SGCD: variants seen among roughly 807,000 people sequenced by gnomAD.
SGCD encodes delta-sarcoglycan.
A neutral mutation model predicts 36.6 loss-of-function variants in SGCD; 18 were observed. That is an observed-to-expected ratio of 0.49 (90% confidence interval 0.34 to 0.73). The LOEUF (loss-of-function observed/expected upper bound fraction) is 0.73, where lower values mean the gene tolerates loss of function less well. Among genes scored for constraint, SGCD ranks in the 30% least tolerant of loss-of-function variants. The pLI, the probability that SGCD is intolerant of heterozygous loss-of-function variation, is 0.01. For missense variants in SGCD, 387 were observed against 346.7 expected (o/e 1.12, Z -0.92); for synonymous variants, 133 against 130.6 (o/e 1.02, Z -0.12).
chr5:156,263,232 A>G (rs1301728674), intron 3 of SGCD, among the ~76,000 whole-genome samples: 2 of 152,096 alleles, frequency 1.3e-5, no homozygotes, highest in Non-Finnish European at 2.9e-5. Flanking sequence ...TCAGCAGTGT[A>G]AAAGTGTTCC....
chr5:156,500,898 C>T (rs2127862458), intron 3 of SGCD, among the ~76,000 whole-genome samples: 1 of 152,182 alleles, frequency 6.6e-6, no homozygotes, highest in East Asian at 1.9e-4. Context: ...ACAGGAAGTC[C>T]ACGTCACTCA....
At chr5:156,648,100 G>A (rs953484741) in intron 7 of SGCD, among the ~76,000 whole-genome samples, 1 of 152,080 alleles carries the variant, frequency 6.6e-6, no homozygotes, top group African/African-American at 2.4e-5. Context: ...CAGACAGATG[G>A]ATAAACAGAC....
In SGCD at chr5:156,219,181, T is replaced by C. The variant is rs75749059; in HGVS notation, c.-44+95162T>C. 8.3e-3 allele frequency among the ~76,000 whole-genome samples: 1,270 copies of C among 152,330 alleles called. 22 individuals are homozygous for C. Among genetic ancestry groups the C allele is most frequent in the African/African-American group, 0.029 (1,209 of 41,580 alleles). On this transcript the variant is annotated intron_variant, in intron 3 of 9. Coordinates refer to the SGCD transcript ENST00000517913. ...TTACTTTGCAACCTTGCGAAACTCA[T>C]TGGACCCCTTATCTACTTTAGTTTA...
chr5:156,243,900 A>G (rs552424124), intron 3 of SGCD, among the ~76,000 whole-genome samples: 2 of 152,234 alleles, frequency 1.3e-5, no homozygotes, highest in Non-Finnish European at 2.9e-5. Flanking sequence ...ATGAAAAATG[A>G]GTTCATAGTG....
chr5:156,436,472 A>G (rs1181667302), intron 3 of SGCD, among the ~76,000 whole-genome samples: 4 of 152,192 alleles, frequency 2.6e-5, no homozygotes, highest in African/African-American at 4.8e-5. Flanking sequence ...CTAGTGTAGG[A>G]TTCTGTTCCT....
intron 3 of SGCD, among the ~76,000 whole-genome samples, chr5:156,187,928 G>A (rs931002448): frequency 1.3e-5 from 2 of 152,178 alleles, no homozygotes; most frequent in Non-Finnish European, 2.9e-5. Flanking sequence ...GATCCAGGAG[G>A]TACAAGGTAT....
chr5:155,758,619 T>C, the SGCD span, among the ~76,000 whole-genome samples: 102,321 of 151,942 alleles, frequency 0.67, 35,637 homozygotes, highest in South Asian at 0.81. Context: ...TGGCATTTGA[T>C]TCTCACAGGA....
At chr5:156,600,212 C>T (rs1366241484) in intron 6 of SGCD, among the ~76,000 whole-genome samples, 1 of 152,180 alleles carries the variant, frequency 6.6e-6, no homozygotes, top group Non-Finnish European at 1.5e-5. Flanking sequence ...CAGTAACTTA[C>T]TGTTAACTGT....
the SGCD span, among the ~76,000 whole-genome samples, chr5:155,855,554 A>G: frequency 6.6e-6 from 1 of 152,188 alleles, no homozygotes; most frequent in South Asian, 2.1e-4. Flanking sequence ...AACTTGCTTG[A>G]TATATCATTG....
intron 8 of SGCD, chr5:156,758,106 T>A: frequency 1.5e-6 from 1 of 679,208 alleles, no homozygotes; most frequent in Non-Finnish European, 1.8e-6. Flanking sequence ...CTGTTTTCAC[T>A]GAAAATGGGG....
At chr5:155,934,431 T>A (rs924557172) in intron 1 of SGCD, among the ~76,000 whole-genome samples, 23 of 152,184 alleles carry the variant, frequency 1.5e-4, no homozygotes, top group Non-Finnish European at 2.2e-4. Context: ...AAATCAATAC[T>A]CAAGCACATT....
chr5:156,572,452 G>A (rs769603655), intron 4 of SGCD, among the ~76,000 whole-genome samples: 11 of 152,100 alleles, frequency 7.2e-5, no homozygotes, highest in Non-Finnish European at 1.2e-4. Context: ...TCTAGTGGGT[G>A]TGAAGAATTA....
chr5:156,622,391 C>CCACTG (rs1450026881), intron 6 of SGCD, among the ~76,000 whole-genome samples: 1 of 150,376 alleles, frequency 6.6e-6, no homozygotes, highest in Non-Finnish European at 1.5e-5. Context: ...CGAGATGGCA[C>CCACTG]CACTGCACTC....
chr5:156,699,490 A>G (rs1409864764), intron 7 of SGCD, among the ~76,000 whole-genome samples: 1 of 148,888 alleles, frequency 6.7e-6, no homozygotes, highest in African/African-American at 2.5e-5. Flanking sequence ...TTTTTTTTCT[A>G]TTTCTAAAGC....
intron 3 of SGCD, among the ~76,000 whole-genome samples, chr5:156,143,344 G>A (rs961266198): frequency 6.6e-6 from 1 of 152,224 alleles, no homozygotes; most frequent in Non-Finnish European, 1.5e-5. Flanking sequence ...CCCTCACAGA[G>A]AACCTCTACT....
intron 7 of SGCD, among the ~76,000 whole-genome samples, chr5:156,685,240 G>A (rs986685012): frequency 3.3e-5 from 5 of 152,044 alleles, no homozygotes; most frequent in Non-Finnish European, 5.9e-5. Context: ...TGGGCTACTC[G>A]GCCAAGGGCA....
intron 3 of SGCD, among the ~76,000 whole-genome samples, chr5:156,132,997 A>G (rs1762364282): frequency 6.6e-6 from 1 of 152,234 alleles, no homozygotes; most frequent in African/African-American, 2.4e-5. Context: ...TTATTCTGCC[A>G]GTATACACTG....
chr5:156,089,494 T>A (rs1761187253), intron 1 of SGCD, among the ~76,000 whole-genome samples: 1 of 152,238 alleles, frequency 6.6e-6, no homozygotes, highest in African/African-American at 2.4e-5. Context: ...AACCTGGAAA[T>A]GACTTCCTTC....
At chr5:156,674,530 C>T (rs1052947179) in intron 7 of SGCD, among the ~76,000 whole-genome samples, 12 of 152,112 alleles carry the variant, frequency 7.9e-5, no homozygotes, top group African/African-American at 2.2e-4. Flanking sequence ...CCCATAGTCA[C>T]GGACATCCCA....
Sources: gnomAD v4.1 joint callset for allele counts (sites outside exome capture counted in the v4.1 genomes callset) on GRCh38, gnomAD v4.1.1 for gene constraint, MANE v1.5 for transcripts, NCBI Gene and HGNC (gene_info 2026-07-23, HGNC 2026-07-21) for gene names.